The following SYCP2 variants were observed in gnomAD, a reference collection of about 807,000 sequenced individuals.
SYCP2 encodes the protein synaptonemal complex lateral element protein.
Under a neutral mutation model 211.3 loss-of-function variants are expected in SYCP2, and 55 were observed. The observed-to-expected ratio is 0.26, with a 90% CI of 0.21 to 0.33. The LOEUF (loss-of-function observed/expected upper bound fraction) is 0.33. Among genes scored for constraint, SYCP2 ranks in the 10% least tolerant of loss-of-function variants. SYCP2 has a pLI of 1.00. For synonymous variants in SYCP2, 570 were observed against 555.2 expected (o/e 1.03, Z -0.37); for missense variants, 1,731 against 1,752.0 (o/e 0.99, Z 0.21).
chr20:59,895,814 T>G (rs889243783), intron 19 of SYCP2, among the ~76,000 whole-genome samples: 1 of 152,028 alleles, frequency 6.6e-6, no homozygotes, highest in Non-Finnish European at 1.5e-5. Flanking sequence ...TTTGGACCTA[T>G]TACATTTGGG....
chr20:59,875,598 G>A, intron 33 of SYCP2, 129 bp from the exon 34 acceptor site: 2 of 627,274 alleles, frequency 3.2e-6, no homozygotes, highest in African/African-American at 1.9e-5. Context: ...CAAGGACCTA[G>A]ACATGAGTAG....
At chr20:59,931,480 A>T (rs1191423190) in intron 2 of SYCP2, among the ~76,000 whole-genome samples, 4 of 149,250 alleles carry the variant, frequency 2.7e-5, no homozygotes, top group East Asian at 4.3e-4. Context: ...ATTTTATTTT[A>T]CAATGTGAAA....
intron 2 of SYCP2, among the ~76,000 whole-genome samples, chr20:59,929,531 G>A (rs996211740): frequency 2.0e-5 from 3 of 152,042 alleles, no homozygotes; most frequent in Non-Finnish European, 2.9e-5. Context: ...CATGAAATGT[G>A]GTGAGTGATG....
intron 35 of SYCP2, among the ~76,000 whole-genome samples, chr20:59,872,586 T>C (rs1169958212): frequency 6.6e-6 from 1 of 152,016 alleles, no homozygotes; most frequent in Admixed American, 6.6e-5. Flanking sequence ...GAAAAAAAGA[T>C]AGTATATATA....
chr20:59,897,309 A>AAAAAGAG (rs2060029032), intron 18 of SYCP2, among the ~76,000 whole-genome samples: 1 of 152,212 alleles, frequency 6.6e-6, no homozygotes, highest in African/African-American at 2.4e-5. Flanking sequence ...AAGATAAAAG[A>AAAAAGAG]AAATTCTAAG....
At chr20:59,922,042 T>C (rs191861741) in intron 3 of SYCP2, among the ~76,000 whole-genome samples, 45 of 151,766 alleles carry the variant, frequency 3.0e-4, no homozygotes, top group Admixed American at 1.1e-3. Flanking sequence ...ACATGTTGAA[T>C]AGATTATTAA....
At chr20:59,895,716 C>G (rs1391822572) in intron 19 of SYCP2, 119 bp from the exon 20 acceptor site, 1 of 1,197,648 alleles carries the variant, frequency 8.3e-7, no homozygotes, top group Non-Finnish European at 1.2e-6. Context: ...AGGTTTCTGG[C>G]TTAGATAATT....
At chr20:59,867,915 C>G in intron 38 of SYCP2, 68 bp from the exon 39 acceptor site, 1 of 1,182,490 alleles carries the variant, frequency 8.5e-7, no homozygotes, top group Non-Finnish European at 1.2e-6. Flanking sequence ...TGTAATTAGG[C>G]TAAGAACAAA....
In SYCP2 at chr20:59,864,244, ATTCTTATTTCCTCAGTTAT is replaced by A; in HGVS notation, c.*48_*66del. 2 of 1,139,638 alleles carry A rather than the reference ATTCTTATTTCCTCAGTTAT, an allele frequency of 1.8e-6. No homozygotes were observed. The allele number at this position is 1,139,638 out of a possible 1,614,324, so 70.6% of individuals were successfully genotyped here. ...TGTATATTTTTCTCTTTGTAGGACT[ATTCTTATTTCCTCAGTTAT>A]ATACAGAGAATAATAATTAGATAAA... On this transcript the variant is annotated 3_prime_UTR_variant, in exon 45 of 45. Coordinates refer to ENST00000357552, the MANE Select transcript of SYCP2 (RefSeq NM_014258.4).
chr20:59,926,791 A>G (rs747887915), intron 2 of SYCP2, among the ~76,000 whole-genome samples: 2 of 152,254 alleles, frequency 1.3e-5, no homozygotes, highest in South Asian at 4.1e-4. Flanking sequence ...AACATGTCAT[A>G]TAAGAGCTAG....
intron 35 of SYCP2, among the ~76,000 whole-genome samples, chr20:59,872,483 G>A (rs1210464617): frequency 6.6e-6 from 1 of 151,694 alleles, no homozygotes; most frequent in Non-Finnish European, 1.5e-5. Flanking sequence ...GTAGTGTATT[G>A]TTATAGTTGT....
chr20:59,919,180 G>T lies in SYCP2; in HGVS notation c.405C>A (p.Val135=). 2.4e-6 allele frequency: 3 copies of T among 1,268,648 alleles called. No individual in the cohort carries two copies. In the South Asian group the frequency reaches 3.9e-5, roughly 16 times the overall value. 78.6% of individuals were successfully genotyped at this position (1,268,648 alleles called of 1,614,324 possible). Residue 135 remains valine (V), a splice_region_variant and synonymous_variant, in exon 7 of 45, where the codon GTC becomes GTA. Coordinates refer to ENST00000357552, the MANE Select transcript of SYCP2 (RefSeq NM_014258.4). ...TACCTTCATCACTGACATCATGTATGACCTGAAAAAAAGTGAATAATATTT... is the reference window on the plus strand; with the variant it reads ...TACCTTCATCACTGACATCATGTATTACCTGAAAAAAAGTGAATAATATTT... ...MIEDLVDLLL[V]IHDVSDEGKK...
chr20:59,928,367 A>G (rs1387094675), intron 2 of SYCP2, among the ~76,000 whole-genome samples: 1 of 152,174 alleles, frequency 6.6e-6, no homozygotes, highest in Non-Finnish European at 1.5e-5. Flanking sequence ...GGAAGGACTT[A>G]ACATTATAAA....
At chr20:59,912,237 A>G (rs112737531) in intron 13 of SYCP2, 136 bp downstream of exon 13, 3 of 508,430 alleles carry the variant, frequency 5.9e-6, no homozygotes, top group African/African-American at 2.0e-5. Flanking sequence ...ACTGTCAGAT[A>G]CAGAATACTA....
chr20:59,874,764 C>T (rs1273832472), intron 34 of SYCP2, among the ~76,000 whole-genome samples: 2 of 151,934 alleles, frequency 1.3e-5, no homozygotes, highest in Non-Finnish European at 2.9e-5. Flanking sequence ...AAGGCATACA[C>T]ATATACCAGA....
At chr20:59,890,915 GAA>G (rs2059894238) in intron 24 of SYCP2, among the ~76,000 whole-genome samples, 2 of 151,722 alleles carry the variant, frequency 1.3e-5, no homozygotes, top group African/African-American at 4.8e-5. Flanking sequence ...GCTAAGATGA[GAA>G]AGAGAAAATA....
At chr20:59,896,651 A>C (rs983609571) in intron 18 of SYCP2, 123 bp from the exon 19 acceptor site, 5 of 567,310 alleles carry the variant, frequency 8.8e-6, no homozygotes, top group South Asian at 2.4e-5. Context: ...TAAATAAACA[A>C]CACAATATTC....
At chr20:59,875,234 G>T in intron 34 of SYCP2, 37 bp downstream of exon 34, 3 of 1,314,494 alleles carry the variant, frequency 2.3e-6, no homozygotes, top group South Asian at 1.4e-5. Flanking sequence ...GAAAACTATT[G>T]AATATTCAAG....
At chr20:59,916,220 G>C (rs2060438947) in intron 8 of SYCP2, among the ~76,000 whole-genome samples, 1 of 152,054 alleles carries the variant, frequency 6.6e-6, no homozygotes, top group Non-Finnish European at 1.5e-5. Flanking sequence ...TACTAATACA[G>C]ATTATTTTTA....
Sources: gnomAD v4.1 joint callset for allele counts (sites outside exome capture counted in the v4.1 genomes callset) on GRCh38, gnomAD v4.1.1 for gene constraint, MANE v1.5 for transcripts, NCBI Gene and HGNC (gene_info 2026-07-23, HGNC 2026-07-21) for gene names.